MDM4: variants seen among roughly 807,000 people sequenced by gnomAD.
The protein encoded by MDM4 is MDM4 regulator of p53.
In MDM4, 2 loss-of-function variants were observed where a neutral mutation model predicts 60.2. The ratio of observed to expected loss-of-function variants is 0.03; its 90% CI spans 0.01 to 0.10. MDM4 has a LOEUF of 0.10. Ranked by LOEUF, MDM4 falls within the 10% of genes least tolerant of loss-of-function variation. MDM4 has a pLI of 1.00. For synonymous variants in MDM4, 202 were observed against 198.1 expected, an observed-to-expected ratio of 1.02 and a Z score of -0.17; for missense variants, 447 against 577.5, an observed-to-expected ratio of 0.77 and a Z score of 2.32.
chr1:204,543,271 C>T lies in MDM4; in HGVS notation c.672+327C>T, dbSNP rs1248548060. Among the ~76,000 whole-genome samples, 4 of 152,060 alleles carry T rather than the reference C, an allele frequency of 2.6e-5. No homozygotes were observed. The South Asian group carries it at 8.3e-4, about 32-fold the overall frequency. ...GTCCCAGCCTATAACACTGGGAGGCCGAGACAGGAGGATTGCTTGAGCCCA... is the reference window on the plus strand; with the variant it reads ...GTCCCAGCCTATAACACTGGGAGGCTGAGACAGGAGGATTGCTTGAGCCCA... On this transcript the variant is annotated intron_variant, in intron 8 of 10. Coordinates refer to ENST00000367182, the MANE Select transcript of MDM4 (RefSeq NM_002393.5).
chr1:204,523,631 G>A (rs189092326), intron 1 of MDM4, among the ~76,000 whole-genome samples: 88 of 151,676 alleles, frequency 5.8e-4, no homozygotes, highest in Non-Finnish European at 9.4e-4. Flanking sequence ...CTGCAGGCTC[G>A]TGCCATGCCC....
chr1:204,519,206 G>A (rs961137732), intron 1 of MDM4, among the ~76,000 whole-genome samples: 5 of 152,214 alleles, frequency 3.3e-5, no homozygotes, highest in African/African-American at 1.2e-4. Flanking sequence ...ATAGCAAGCT[G>A]TTGAGCAGGG....
intron 7 of MDM4, among the ~76,000 whole-genome samples, chr1:204,540,019 C>T (rs1297969158): frequency 2.0e-5 from 3 of 151,718 alleles, no homozygotes; most frequent in Non-Finnish European, 4.4e-5. Flanking sequence ...CGGTGGCTCA[C>T]GCCTGTAATC....
At position 204,552,562 on chromosome 1, in the gene MDM4, T is replaced by A. The variant is rs1371690118; in HGVS notation, c.*2880T>A. 1 of 165,308 alleles carries A rather than the reference T, an allele frequency of 6.0e-6. No homozygotes were observed. 10.2% of individuals were successfully genotyped at this position (165,308 alleles called of 1,614,324 possible). ...TGGTCTCGAACTCCTGACCTCATGA[T>A]CCACACACCTCGGCCTCCCAAAGTC... On this transcript the variant is annotated 3_prime_UTR_variant, in exon 11 of 11. Coordinates refer to ENST00000367182, the MANE Select transcript of MDM4 (RefSeq NM_002393.5).
chr1:204,544,343 T>C (rs1197840250), intron 8 of MDM4, among the ~76,000 whole-genome samples, 192 bp from the exon 9 acceptor site: 1 of 152,256 alleles, frequency 6.6e-6, no homozygotes, highest in Non-Finnish European at 1.5e-5. Flanking sequence ...CACCATTATA[T>C]CCATCCATTA....
At chr1:204,518,764 C>G (rs989834189) in intron 1 of MDM4, among the ~76,000 whole-genome samples, 1 of 152,220 alleles carries the variant, frequency 6.6e-6, no homozygotes, top group Non-Finnish European at 1.5e-5. Context: ...CTTCTGGGTT[C>G]AAGCTATTCT....
At chr1:204,530,513 C>T (rs1326136604) in intron 3 of MDM4, among the ~76,000 whole-genome samples, 171 bp from the exon 4 acceptor site, 1 of 152,156 alleles carries the variant, frequency 6.6e-6, no homozygotes, top group African/African-American at 2.4e-5. Flanking sequence ...GTAGATGGAC[C>T]TAGTAGTTGG....
chr1:204,531,345 G>C (rs1320546360), intron 4 of MDM4, among the ~76,000 whole-genome samples: 1 of 152,180 alleles, frequency 6.6e-6, no homozygotes, highest in African/African-American at 2.4e-5. Flanking sequence ...ATGTAGAATT[G>C]CTGGGCAGTT....
In MDM4 at chr1:204,555,233, C is replaced by T. The variant is rs533621807; in HGVS notation, c.*5551C>T. ...GCAGTGGCGCGATCTCGGCTCACTGCAACCTCCGCCTCCCGGGTTCACCCC... is the reference window on the plus strand; with the variant it reads ...GCAGTGGCGCGATCTCGGCTCACTGTAACCTCCGCCTCCCGGGTTCACCCC... On this transcript the variant is annotated 3_prime_UTR_variant, in exon 11 of 11. Transcript: ENST00000367182. 92 of 174,216 alleles carry T rather than the reference C, an allele frequency of 5.3e-4. 2 individuals carry two copies. The East Asian group carries it at 8.9e-3, about 17-fold the overall frequency. 10.8% of individuals were successfully genotyped at this position (174,216 alleles called of 1,614,324 possible).
intron 7 of MDM4, 73 bp downstream of exon 7, chr1:204,538,381 G>T (rs551518563): frequency 2.5e-6 from 2 of 799,854 alleles, no homozygotes; most frequent in South Asian, 1.5e-5. Context: ...TAATCTCTCC[G>T]TATGTGAAGT....
intron 3 of MDM4, among the ~76,000 whole-genome samples, chr1:204,527,048 A>G (rs1412979138): frequency 1.3e-5 from 2 of 151,782 alleles, no homozygotes; most frequent in Non-Finnish European, 2.9e-5. Flanking sequence ...CAATCCCAGT[A>G]TTTTGGGAGG....
intron 1 of MDM4, among the ~76,000 whole-genome samples, chr1:204,523,251 C>T (rs1418512243): frequency 6.1e-5 from 9 of 148,250 alleles, no homozygotes; most frequent in African/African-American, 1.2e-4. Flanking sequence ...AGGCGGATCA[C>T]GAGGTCAGGA....
intron 7 of MDM4, among the ~76,000 whole-genome samples, chr1:204,540,415 G>C (rs998905558): frequency 2.0e-5 from 3 of 152,120 alleles, no homozygotes; most frequent in African/African-American, 7.2e-5. Context: ...CATTCCATTA[G>C]ATATGTTGTG....
rs907726047 is a variant in MDM4 at position 204,527,139 on chromosome 1, A to T, written c.153+705A>T. Among the ~76,000 whole-genome samples the T allele has an allele frequency of 4.6e-5, 7 of 151,802 alleles. No individual in the cohort carries two copies. The East Asian group carries it at 7.8e-4, about 17-fold the overall frequency. On this transcript the variant is annotated intron_variant, in intron 3 of 10. Transcript: ENST00000367182. ...ATGAAACCCTGTCTCTAAAAAAAAA[A>T]AAAAAAATACAAAAATTGGGCGGGC...
chr1:204,518,768 C>G (rs1659251724), intron 1 of MDM4, among the ~76,000 whole-genome samples: 1 of 152,210 alleles, frequency 6.6e-6, no homozygotes, highest in South Asian at 2.1e-4. Context: ...TGGGTTCAAG[C>G]TATTCTTCTG....
In MDM4 at chr1:204,553,070, A is replaced by AC. The variant is rs569073680; in HGVS notation, c.*3390dup. 1.7e-4 allele frequency: 29 copies of AC among 169,708 alleles called. No homozygotes were observed. The East Asian group carries it at 2.7e-3, about 16-fold the overall frequency. The allele number at this position is 169,708 out of a possible 1,614,324, so 10.5% of individuals were successfully genotyped here. ...TTGTATTTTTAGTAGAGATGGTTTCACCATGTTGGTCAGGCTGGTCTCGAA... is the reference window on the plus strand; with the variant it reads ...TTGTATTTTTAGTAGAGATGGTTTCACCCATGTTGGTCAGGCTGGTCTCGAA... On this transcript the variant is annotated 3_prime_UTR_variant, in exon 11 of 11. Transcript: ENST00000367182.
Position 204,552,397 on chromosome 1 carries a change from A to G in MDM4, c.*2715A>G, listed in dbSNP as rs1663285634. 7.5e-6 allele frequency: 1 copy of G among 134,132 alleles called. No homozygotes were observed. Among genetic ancestry groups the G allele is most frequent in the Non-Finnish European group, 1.5e-5 (1 of 64,720 alleles). The allele number at this position is 134,132 out of a possible 1,614,324, so 8.3% of individuals were successfully genotyped here. ...GAGTGCAATGGCATGATCTCTGCTC[A>G]CCGCAACCTCTGCCTCCCGGGTTCA... On this transcript the variant is annotated 3_prime_UTR_variant, in exon 11 of 11. Transcript: ENST00000367182.
chr1:204,557,343 G>A lies in MDM4; in HGVS notation c.*7661G>A, dbSNP rs1381838451. 2 of 184,796 alleles carry A rather than the reference G, an allele frequency of 1.1e-5. No individual in the cohort carries two copies. The highest frequency in any genetic ancestry group is 1.8e-4 in the East Asian group (2 of 11,402). 11.4% of individuals were successfully genotyped at this position (184,796 alleles called of 1,614,324 possible). On this transcript the variant is annotated 3_prime_UTR_variant, in exon 11 of 11. Coordinates refer to ENST00000367182, the MANE Select transcript of MDM4 (RefSeq NM_002393.5). ...TCTCTAGGTGTTCTGAGAGAAGTTT[G>A]TAAATTTGGATAGTACATTCTATCC...
intron 4 of MDM4, 105 bp from the exon 5 acceptor site, chr1:204,532,086 C>G: frequency 1.4e-6 from 1 of 690,672 alleles, no homozygotes; most frequent in East Asian, 2.7e-5. Context: ...TACAGAGAGA[C>G]TTGGGAGATA....
Sources: allele counts gnomAD v4.1 joint callset (sites outside exome capture counted in the v4.1 genomes callset), GRCh38; gene constraint gnomAD v4.1.1; transcripts MANE v1.5; gene names NCBI Gene and HGNC (gene_info 2026-07-23, HGNC 2026-07-21).